The following SLC2A7 variants were observed in gnomAD, a reference collection of about 807,000 sequenced individuals.
SLC2A7 encodes the protein solute carrier family 2, facilitated glucose transporter member 7.
A neutral mutation model predicts 50.5 loss-of-function variants in SLC2A7; 50 were observed. The ratio of observed to expected loss-of-function variants is 0.99; its 90% CI spans 0.79 to 1.25. The LOEUF is 1.25. Among genes scored for constraint, SLC2A7 ranks in the 50% most tolerant of loss-of-function variants. The pLI is 0.00. For synonymous variants in SLC2A7, 308 were observed against 300.4 expected, an observed-to-expected ratio of 1.03 and a Z score of -0.26; for missense variants, 683 against 679.1, an observed-to-expected ratio of 1.01 and a Z score of -0.06.
chr1:8,995,676 C>T, the SLC2A7 span, among the ~76,000 whole-genome samples: 21 of 152,158 alleles, frequency 1.4e-4, no homozygotes, highest in South Asian at 4.1e-4. Context: ...AACCAGAAGG[C>T]GGAGGTTGCA....
intron 10 of SLC2A7, among the ~76,000 whole-genome samples, chr1:9,006,431 A>G (rs1241243153): frequency 6.6e-6 from 1 of 152,138 alleles, no homozygotes; most frequent in Non-Finnish European, 1.5e-5. Context: ...CATTTTTAGT[A>G]GAAACGGAGT....
rs575667494 is a variant in SLC2A7 at position 9,004,637 on chromosome 1, T to C, written c.1320+115A>G. ...ACGTGTGTCTGTGGACCCTTGGATG[T>C]GTCTGAGAGCCTGTCCCCACCTTGC... On this transcript the variant is annotated intron_variant, in intron 11 of 11. Transcript: ENST00000400906. 1.4e-5 allele frequency: 19 copies of C among 1,316,942 alleles called. No individual in the cohort carries two copies. The African/African-American group carries it at 1.7e-4, about 12-fold the overall frequency. 81.6% of individuals were successfully genotyped at this position (1,316,942 alleles called of 1,614,324 possible).
chr1:8,996,415 C>T, the SLC2A7 span, among the ~76,000 whole-genome samples: 2 of 152,188 alleles, frequency 1.3e-5, no homozygotes. Context: ...GTTTGCTTAC[C>T]CATTCACCTT....
At chr1:9,003,639 C>G (rs1172102681) in intron 11 of SLC2A7, 121 bp from the exon 12 acceptor site, 2 of 802,104 alleles carry the variant, frequency 2.5e-6, no homozygotes, top group Non-Finnish European at 4.0e-6. Context: ...AGGTGGATCA[C>G]CTGAGGTCAG....
chr1:9,019,814 C>G (rs1462904281), intron 3 of SLC2A7, among the ~76,000 whole-genome samples: 1 of 152,088 alleles, frequency 6.6e-6, no homozygotes, highest in Non-Finnish European at 1.5e-5. Context: ...ATCTCAGCTA[C>G]TCGGGAGGCT....
intron 9 of SLC2A7, among the ~76,000 whole-genome samples, chr1:9,009,493 G>A (rs1368136287): frequency 6.6e-6 from 1 of 152,176 alleles, no homozygotes; most frequent in Non-Finnish European, 1.5e-5. Context: ...GGGTCTCACT[G>A]TCCCCCAGGC....
At chr1:9,014,890 G>C (rs370934872) in intron 6 of SLC2A7, 22 bp from the exon 7 acceptor site, 2 of 1,565,542 alleles carry the variant, frequency 1.3e-6, no homozygotes, top group Non-Finnish European at 1.7e-6. Flanking sequence ...AGAACCACCC[G>C]CTCAGAGGGC....
Position 9,004,773 on chromosome 1 carries a change from G to A in SLC2A7, c.1299C>T (p.Gly433=). 1.2e-6 allele frequency: 2 copies of A among 1,614,112 alleles called. No homozygotes were observed. The highest frequency in any genetic ancestry group is 8.5e-7 in the Non-Finnish European group (1 of 1,179,976). The change falls in exon 11 of 12, where the codon GGC becomes GGT. Residue 433 remains glycine (G), a synonymous_variant. Coordinates refer to ENST00000400906, the MANE Select transcript of SLC2A7 (RefSeq NM_207420.3). ...AVHWLTNFII[G]FLFPSIQEAI... ...TCACCTGGATGGATGGGAACAGGAA[G>A]CCTATGATGAAGTTGGTGAGCCAGT...
chr1:9,022,453 C>T (rs796065849), intron 3 of SLC2A7, among the ~76,000 whole-genome samples: 13 of 152,240 alleles, frequency 8.5e-5, no homozygotes, highest in African/African-American at 3.1e-4. Context: ...CAAATAATCT[C>T]GTATCTATGA....
chr1:9,024,884 G>A (rs1348458570), intron 2 of SLC2A7, 92 bp downstream of exon 2: 1 of 1,422,414 alleles, frequency 7.0e-7, no homozygotes, highest in Non-Finnish European at 9.8e-7. Context: ...CAGGCAAGAT[G>A]GCAGCCTCCA....
the SLC2A7 span, among the ~76,000 whole-genome samples, chr1:8,994,568 G>A: frequency 6.6e-6 from 1 of 152,078 alleles, no homozygotes; most frequent in East Asian, 1.9e-4. Flanking sequence ...GTGCTTACAA[G>A]GCACTAAGCT....
At chr1:9,016,028 G>A (rs1640825602) in intron 5 of SLC2A7, among the ~76,000 whole-genome samples, 1 of 152,178 alleles carries the variant, frequency 6.6e-6, no homozygotes, top group South Asian at 2.1e-4. Context: ...CAGCTGACAA[G>A]TTCTTTAATG....
At chr1:9,000,783 T>TGTGTGTGA (rs1640563416), downstream of SLC2A7, among the ~76,000 whole-genome samples, 1 of 147,764 alleles carries the variant, frequency 6.8e-6, no homozygotes, top group Admixed American at 6.8e-5. Flanking sequence ...TGTGTGTGTG[T>TGTGTGTGA]GACTCTGTCT....
At position 9,003,468 on chromosome 1, in the gene SLC2A7, G is replaced by T. The variant is rs199826067; in HGVS notation, c.1371C>A (p.Leu457=). 3 of 1,614,214 alleles carry T rather than the reference G, an allele frequency of 1.9e-6. No homozygotes were observed. The South Asian group carries it at 3.3e-5, about 18-fold the overall frequency. Residue 457 remains leucine, a synonymous_variant, in exon 12 of 12, where the codon CTC becomes CTA. Transcript: ENST00000400906. ...SFIIFAGICL[L]TAIYIYVVIP... The stretch of plus-strand genomic sequence containing the variant: ...TAACCACGTAGATGTAAATCGCAGT[G>T]AGGAGGCAGATTCCGGCAAAGATGA...
chr1:9,026,157 A>G (rs538691985), intron 1 of SLC2A7, 138 bp downstream of exon 1: 2 of 939,910 alleles, frequency 2.1e-6, no homozygotes, highest in South Asian at 2.9e-5. Context: ...TGGCTCTCCC[A>G]GGCCTGGTTA....
In SLC2A7 at chr1:9,014,818, T is replaced by G. The variant is rs369016105; in HGVS notation, c.766A>C (p.Met256Leu). 3 of 1,604,814 alleles carry G rather than the reference T, an allele frequency of 1.9e-6. No individual in the cohort carries two copies. Among genetic ancestry groups the G allele is most frequent in the Non-Finnish European group, 2.6e-6 (3 of 1,176,318 alleles). Residue 256 changes from methionine to leucine, a missense_variant, in exon 7 of 12, where the codon ATG (methionine) becomes CTG (leucine). Met to Leu is a conservative substitution (Grantham distance 15). Transcript: ENST00000400906. ...HTDMEAELEDMRAEARAERAE... is the reference protein window; with the variant it reads ...HTDMEAELEDLRAEARAERAE... The stretch of plus-strand genomic sequence containing the variant: ...CGCTCGGCCCGGGCCTCCGCACGCA[T>G]GTCCTCCAGCTCGGCCTCCATGTCC...
chr1:9,013,656 G>A (rs1640783679), intron 7 of SLC2A7, 21 bp from the exon 8 acceptor site: 1 of 1,604,322 alleles, frequency 6.2e-7, no homozygotes, highest in Non-Finnish European at 8.5e-7. Flanking sequence ...ACACAGGGCT[G>A]TCAGGACAGG....
chr1:8,998,653 A>C (rs1261896258), downstream of SLC2A7, among the ~76,000 whole-genome samples: 1 of 152,062 alleles, frequency 6.6e-6, no homozygotes, highest in African/African-American at 2.4e-5. Flanking sequence ...CAGTTTGTCA[A>C]TTTCTAACCC....
intron 10 of SLC2A7, among the ~76,000 whole-genome samples, chr1:9,006,406 C>T (rs981953446): frequency 3.3e-5 from 5 of 152,158 alleles, no homozygotes; most frequent in East Asian, 1.9e-4. Flanking sequence ...CGCCAACACA[C>T]CTGGCTAATT....
Sources: allele counts gnomAD v4.1 joint callset (sites outside exome capture counted in the v4.1 genomes callset), GRCh38; gene constraint gnomAD v4.1.1; transcripts MANE v1.5; gene names NCBI Gene and HGNC (gene_info 2026-07-23, HGNC 2026-07-21).